KIF1A: variants seen among roughly 807,000 people sequenced by gnomAD.
KIF1A encodes kinesin-like protein KIF1A.
KIF1A carries 46 observed loss-of-function variants against 227.3 expected under a neutral mutation model. The observed-to-expected ratio is 0.20, with a 90% confidence interval of 0.16 to 0.26. KIF1A has a LOEUF of 0.26. KIF1A is among the 10% of genes least tolerant of loss of function. KIF1A has a pLI of 1.00. For missense variants in KIF1A, 1,683 were observed against 2,485.9 expected (o/e 0.68, Z 6.87); for synonymous variants, 1,022 against 1,012.8 (o/e 1.01, Z -0.17).
In KIF1A at chr2:240,736,090, T is replaced by C. The variant is rs963633061; in HGVS notation, c.4007+973A>G. On this transcript the variant is annotated intron_variant, in intron 38 of 48. Transcript: ENST00000498729. This position sits in a 1 kb window ranked among gnomAD's most constrained non-coding sequence, Gnocchi z 4.7. ...TGCTAAGCCCCGATAGCCCACTTTC[T>C]GGGTGTTGCTGATGAAACCAAAGCT... Among the ~76,000 whole-genome samples, 2 of 151,732 alleles carry C rather than the reference T, an allele frequency of 1.3e-5. No homozygotes were observed. The highest frequency in any genetic ancestry group is 2.4e-5 in the African/African-American group (1 of 41,282).
rs1559471170 is a variant in KIF1A at position 240,717,276 on chromosome 2, G to A, written c.*88C>T. 7.6e-6 allele frequency: 10 copies of A among 1,320,934 alleles called. No individual in the cohort carries two copies. The highest frequency in any genetic ancestry group is 9.7e-6 in the Non-Finnish European group (9 of 928,876). 81.8% of individuals were successfully genotyped at this position (1,320,934 alleles called of 1,614,324 possible). A position where few individuals can be genotyped will look rare whatever the true frequency, so the allele number is the denominator to read the frequency against. On this transcript the variant is annotated 3_prime_UTR_variant, in exon 49 of 49. Transcript: ENST00000498729. ...GACCCGGTCGTGGGCTGTCTGGCAG[G>A]AGAGGGGCTGGGCGGCAGGTGACAG...
At chr2:240,728,107 G>A (rs929807531) in intron 38 of KIF1A, among the ~76,000 whole-genome samples, 4 of 152,196 alleles carry the variant, frequency 2.6e-5, no homozygotes, top group East Asian at 3.9e-4. Context: ...GGCCCCTCCC[G>A]AGACCGCGGT....
At chr2:240,784,822 G>A (rs866248641) in intron 7 of KIF1A, among the ~76,000 whole-genome samples, 167 bp downstream of exon 7, 1 of 152,118 alleles carries the variant, frequency 6.6e-6, no homozygotes. Context: ...GGGGCGGGGG[G>A]GGGGACGTCC....
intron 8 of KIF1A, 31 bp downstream of exon 8, chr2:240,783,708 A>G: frequency 6.5e-7 from 1 of 1,533,994 alleles, no homozygotes; most frequent in Non-Finnish European, 8.8e-7. Context: ...AAATGTGGAC[A>G]CGGGTCCCCG....
chr2:240,819,161 G>C (rs1182646954), intron 1 of KIF1A, among the ~76,000 whole-genome samples: 2 of 150,692 alleles, frequency 1.3e-5, no homozygotes, highest in Non-Finnish European at 3.0e-5. Flanking sequence ...ATGCTGCCCC[G>C]GCCCTTCCCA....
intron 25 of KIF1A, 107 bp downstream of exon 25, chr2:240,760,558 T>A (rs551325271): frequency 4.1e-6 from 3 of 736,782 alleles, no homozygotes; most frequent in Admixed American, 8.1e-5. Context: ...GGAACAGCGG[T>A]GTCTGCAGGT....
intron 12 of KIF1A, among the ~76,000 whole-genome samples, 164 bp downstream of exon 12, chr2:240,774,019 G>A (rs928488924): frequency 6.6e-6 from 1 of 152,206 alleles, no homozygotes; most frequent in African/African-American, 2.4e-5. Flanking sequence ...GCCTATGCAG[G>A]CCCAGGAGCC....
At chr2:240,814,532 G>A (rs1444480568) in intron 1 of KIF1A, among the ~76,000 whole-genome samples, 1 of 152,158 alleles carries the variant, frequency 6.6e-6, no homozygotes, top group Admixed American at 6.5e-5. Context: ...GAAACAAGCA[G>A]CTCTAGGGTC....
intron 44 of KIF1A, 132 bp downstream of exon 44, chr2:240,721,675 C>T: frequency 1.3e-6 from 1 of 757,904 alleles, no homozygotes; most frequent in South Asian, 1.5e-5. Context: ...AGGTGTCCCT[C>T]TGCACTGAGA....
At chr2:240,750,401 CCA>C in intron 28 of KIF1A, 26 bp downstream of exon 28, 1 of 1,558,034 alleles carries the variant, frequency 6.4e-7, no homozygotes, top group Middle Eastern at 1.7e-4. Flanking sequence ...GGCTCCAATG[CCA>C]CACACGGCCT....
In KIF1A at chr2:240,739,012, C is replaced by T. The variant is rs888719091; in HGVS notation, c.3901+1046G>A. 2.6e-5 allele frequency among the ~76,000 whole-genome samples: 4 copies of T among 152,260 alleles called. No homozygotes were observed. Among genetic ancestry groups the T allele is most frequent in the Admixed American group, 6.5e-5 (1 of 15,288 alleles). On this transcript the variant is annotated intron_variant, in intron 37 of 48. Coordinates refer to ENST00000498729, the MANE Select transcript of KIF1A (RefSeq NM_001244008.2). The surrounding 1 kb of genome is among the most constrained non-coding windows in gnomAD (Gnocchi z 5.6). ...TCACTCTTCTTAGGCTTGCCCTAAACAACCTCTGAAAGGAGGGTTTGGGTG... is the reference window on the plus strand; with the variant it reads ...TCACTCTTCTTAGGCTTGCCCTAAATAACCTCTGAAAGGAGGGTTTGGGTG...
intron 1 of KIF1A, among the ~76,000 whole-genome samples, chr2:240,814,552 G>C (rs1307731966): frequency 1.3e-5 from 2 of 152,158 alleles, no homozygotes; most frequent in Non-Finnish European, 2.9e-5. Context: ...CCAAGAAACA[G>C]AAACTCCAAT....
chr2:240,720,369 C>T lies in KIF1A; in HGVS notation c.4869-443G>A, dbSNP rs746176242. 1.3e-3 allele frequency: 215 copies of T among 161,808 alleles called. 1 individual carries two copies. The highest frequency in any genetic ancestry group is 1.2e-3 in the South Asian group (6 of 5,120). The allele number at this position is 161,808 out of a possible 1,614,324, so 10.0% of individuals were successfully genotyped here. On this transcript the variant is annotated intron_variant, in intron 45 of 48. Transcript: ENST00000498729. ...CACATGGGCCAGGCCCCACGCGACTCGACCTGGTGGTCAAGGAGGCCTGCA... is the reference window on the plus strand; with the variant it reads ...CACATGGGCCAGGCCCCACGCGACTTGACCTGGTGGTCAAGGAGGCCTGCA...
In KIF1A at chr2:240,772,603, G is replaced by A. The variant is rs1182450386; in HGVS notation, c.1181-7C>T. 9.7e-6 allele frequency: 15 copies of A among 1,545,208 alleles called. No individual in the cohort carries two copies. In the Admixed American group the frequency reaches 2.4e-4, roughly 24 times the overall value. On this transcript the variant is annotated splice_polypyrimidine_tract_variant and splice_region_variant and intron_variant, in intron 13 of 48. Transcript: ENST00000498729. ...CCTCCAGGCACAGTGTTGGCTATGGGGGAGGGAAGCGTGGGGGAGGGGGAG... is the reference window on the plus strand; with the variant it reads ...CCTCCAGGCACAGTGTTGGCTATGGAGGAGGGAAGCGTGGGGGAGGGGGAG...
chr2:240,774,397 C>G, intron 11 of KIF1A, 136 bp from the exon 12 acceptor site: 2 of 424,828 alleles, frequency 4.7e-6, no homozygotes, highest in Non-Finnish European at 8.3e-6. Flanking sequence ...GCTTACCCCC[C>G]CCCCCACCCC....
chr2:240,747,360 G>A, intron 28 of KIF1A, 39 bp from the exon 29 acceptor site: 6 of 1,542,190 alleles, frequency 3.9e-6, no homozygotes, highest in African/African-American at 1.4e-5. Flanking sequence ...AGCCCAGCTT[G>A]TCCCCTGAGG....
At chr2:240,760,956 T>C (rs574698681) in intron 24 of KIF1A, 113 bp from the exon 25 acceptor site, 1 of 1,116,652 alleles carries the variant, frequency 9.0e-7, no homozygotes, top group South Asian at 1.6e-5. Context: ...CCCACAATGG[T>C]TCACTGGAAC....
At chr2:240,796,037 C>T (rs577763231) in intron 2 of KIF1A, among the ~76,000 whole-genome samples, 9 of 152,302 alleles carry the variant, frequency 5.9e-5, no homozygotes, top group African/African-American at 2.2e-4. Flanking sequence ...TCACAGGGCC[C>T]TCCCTGATGT....
chr2:240,814,272 G>A (rs1387126991), intron 1 of KIF1A, among the ~76,000 whole-genome samples: 1 of 152,000 alleles, frequency 6.6e-6, no homozygotes, highest in Non-Finnish European at 1.5e-5. Flanking sequence ...GGAAAAGACA[G>A]GATCCTAAAA....
Sources: allele counts gnomAD v4.1 joint callset (sites outside exome capture counted in the v4.1 genomes callset), GRCh38; gene constraint gnomAD v4.1.1; non-coding constraint Gnocchi (gnomAD v3.1); transcripts MANE v1.5; gene names NCBI Gene and HGNC (gene_info 2026-07-23, HGNC 2026-07-21).